The following ATP8A2 variants were observed in gnomAD, a reference collection of about 807,000 sequenced individuals.
The protein encoded by ATP8A2 is ATPase phospholipid transporting 8A2.
In ATP8A2, 100 loss-of-function variants were observed where a neutral mutation model predicts 165.6. That is an observed-to-expected ratio of 0.60 (90% confidence interval 0.51 to 0.71). ATP8A2 has a LOEUF of 0.71. Among genes scored for constraint, ATP8A2 ranks in the 30% least tolerant of loss-of-function variants. The pLI is 0.00. For synonymous variants in ATP8A2, 543 were observed against 548.8 expected (o/e 0.99, Z 0.15); for missense variants, 1,227 against 1,479.5 (o/e 0.83, Z 2.80).
chr13:25,791,088 A>G (rs1489447355), intron 27 of ATP8A2, among the ~76,000 whole-genome samples: 2 of 152,222 alleles, frequency 1.3e-5, no homozygotes. Context: ...ATGCATGCAT[A>G]TGTTCATTGC....
chr13:26,006,765 G>T (rs1593705317), intron 35 of ATP8A2, among the ~76,000 whole-genome samples: 1 of 151,832 alleles, frequency 6.6e-6, no homozygotes, highest in Non-Finnish European at 1.5e-5. Flanking sequence ...TGCATCAATT[G>T]AAATGATCAT....
chr13:25,414,053 A>C (rs1358649662), intron 1 of ATP8A2, among the ~76,000 whole-genome samples: 1 of 151,974 alleles, frequency 6.6e-6, no homozygotes, highest in African/African-American at 2.4e-5. Flanking sequence ...AACCTTGGTG[A>C]TCACTAAGCC....
intron 10 of ATP8A2, among the ~76,000 whole-genome samples, chr13:25,547,060 GCAGAGGTTGCAGCGAGC>G (rs1398334362): frequency 2.0e-5 from 3 of 152,124 alleles, no homozygotes; most frequent in African/African-American, 4.8e-5. Context: ...AACCCAGGAG[GCAGAGGTTGCAGCGAGC>G]CAAGATTGTG....
At chr13:25,723,562 A>T (rs780572290) in intron 25 of ATP8A2, among the ~76,000 whole-genome samples, 1 of 152,154 alleles carries the variant, frequency 6.6e-6, no homozygotes, top group Admixed American at 6.5e-5. Flanking sequence ...AACATCATCT[A>T]GCCAGATTTT....
At chr13:25,945,949 A>G (rs759419084) in intron 33 of ATP8A2, among the ~76,000 whole-genome samples, 3 of 152,084 alleles carry the variant, frequency 2.0e-5, no homozygotes, top group African/African-American at 4.8e-5. Flanking sequence ...AGGAAGAAGT[A>G]TATGCTTAGT....
chr13:25,738,350 C>CCCA (rs1555258518), intron 25 of ATP8A2, among the ~76,000 whole-genome samples: 10 of 97,742 alleles, frequency 1.0e-4, no homozygotes, highest in African/African-American at 2.5e-4. Flanking sequence ...TCCCCCCCCC[C>CCCA]CACACACACT....
intron 35 of ATP8A2, among the ~76,000 whole-genome samples, chr13:25,985,537 C>T (rs1027749846): frequency 1.3e-5 from 2 of 152,180 alleles, no homozygotes; most frequent in African/African-American, 2.4e-5. Flanking sequence ...TTGAACGTCC[C>T]GCTGGGGGGC....
intron 1 of ATP8A2, among the ~76,000 whole-genome samples, chr13:25,399,571 TTTTTGTA>T: frequency 5.2e-5 from 5 of 95,404 alleles, no homozygotes; most frequent in Admixed American, 1.2e-4. Flanking sequence ...GCTAATTTTT[TTTTTGTA>T]TTTTTAGTAG....
rs1218709640 is a variant in ATP8A2, at chr13:25,842,587, G to T, written c.2956+2963G>T. Among the ~76,000 whole-genome samples, 11 of 152,058 alleles carry T rather than the reference G, an allele frequency of 7.2e-5. No homozygotes were observed. In the East Asian group the frequency reaches 1.4e-3, roughly 19 times the overall value. On this transcript the variant is annotated intron_variant, in intron 30 of 36. Transcript: ENST00000381655. ...CATGGGAGGCTGAGGCAGCAGAATC[G>T]CTTGAACCCGGGAGGTGGAGGTTGC... is the stretch of plus-strand genomic sequence containing the variant.
intron 1 of ATP8A2, among the ~76,000 whole-genome samples, chr13:25,427,961 C>T (rs1764642): frequency 0.021 from 3,162 of 152,000 alleles, 114 homozygotes; most frequent in African/African-American, 0.071. Flanking sequence ...ACTTGAGGGG[C>T]GGAGGAGAGC....
intron 25 of ATP8A2, among the ~76,000 whole-genome samples, chr13:25,745,359 C>T (rs4770873): frequency 0.35 from 53,132 of 152,038 alleles, 9,669 homozygotes; most frequent in East Asian, 0.49. Flanking sequence ...TGCGTTATGC[C>T]GTGAGCGTTT....
At chr13:25,506,459 A>G (rs111721958) in intron 2 of ATP8A2, among the ~76,000 whole-genome samples, 221 of 152,330 alleles carry the variant, frequency 1.5e-3, no homozygotes, top group Non-Finnish European at 2.5e-3. Flanking sequence ...CACGTCTTGG[A>G]CATTTGCGTA....
intron 25 of ATP8A2, among the ~76,000 whole-genome samples, chr13:25,710,231 G>T (rs59283601): frequency 4.6e-5 from 7 of 152,060 alleles, no homozygotes; most frequent in African/African-American, 1.7e-4. Context: ...TAATTGGGGT[G>T]TTATCACCTC....
At position 25,839,530 on chromosome 13, in the gene ATP8A2, G is replaced by A; in HGVS notation, c.2878-16G>A. 6.2e-7 allele frequency: 1 copy of A among 1,610,110 alleles called. No homozygotes were observed. Among genetic ancestry groups the A allele is most frequent in the Non-Finnish European group, 8.5e-7 (1 of 1,176,430 alleles). ...TTTTGGGCAGCTCCTGACTCCCTTG[G>A]TTTGTTTTTCCTTAGGTTTTCTGGG... On this transcript the variant is annotated splice_polypyrimidine_tract_variant and intron_variant, in intron 29 of 36. Transcript: ENST00000381655.
At chr13:25,831,391 T>G (rs2138619597) in intron 28 of ATP8A2, among the ~76,000 whole-genome samples, 1 of 152,054 alleles carries the variant, frequency 6.6e-6, no homozygotes, top group East Asian at 2.0e-4. Context: ...ATTTTTGTAT[T>G]TTTAGTAGAG....
rs371499076 is a variant in ATP8A2 at position 25,458,648 on chromosome 13, G to T, written c.77-10329G>T. On this transcript the variant is annotated intron_variant, in intron 1 of 36. Transcript: ENST00000381655. The stretch of plus-strand genomic sequence containing the variant: ...TTTTTGATTTCCAGAAGGTGGAGTG[G>T]AAGGCAGGAGGAGGAAAGAAAGCAA... 7.2e-5 allele frequency among the ~76,000 whole-genome samples: 11 copies of T among 152,352 alleles called. No homozygotes were observed. The East Asian group carries it at 1.7e-3, about 24-fold the overall frequency.
At chr13:25,377,789 C>T (rs1033542893) in intron 1 of ATP8A2, among the ~76,000 whole-genome samples, 1 of 151,994 alleles carries the variant, frequency 6.6e-6, no homozygotes, top group Non-Finnish European at 1.5e-5. Flanking sequence ...GAGACTCTCT[C>T]TCTAACAAAA....
At chr13:25,701,723 AACACACACAC>A (rs71077495) in intron 25 of ATP8A2, among the ~76,000 whole-genome samples, 9,137 of 140,548 alleles carry the variant, frequency 0.065, 323 homozygotes, top group Non-Finnish European at 0.088. Context: ...TTGATACTAA[AACACACACAC>A]ACACACACAC....
At chr13:25,747,950 A>G (rs147205627) in intron 25 of ATP8A2, among the ~76,000 whole-genome samples, 46 of 134,146 alleles carry the variant, frequency 3.4e-4, no homozygotes, top group Middle Eastern at 3.6e-3. Flanking sequence ...TTACAAAGAC[A>G]TTTATTGGGT....
Sources: allele counts gnomAD v4.1 joint callset (sites outside exome capture counted in the v4.1 genomes callset), GRCh38; gene constraint gnomAD v4.1.1; transcripts MANE v1.5; gene names NCBI Gene and HGNC (gene_info 2026-07-23, HGNC 2026-07-21).